Variants in WIPF1 observed in about 807,000 individuals in gnomAD.
The protein encoded by WIPF1 is WAS/WASL interacting protein family member 1.
Under a neutral mutation model 35.4 loss-of-function variants are expected in WIPF1, and 13 were observed. That is an observed-to-expected ratio of 0.37 (90% confidence interval 0.24 to 0.58). The LOEUF (loss-of-function observed/expected upper bound fraction) is 0.58, where lower values mean the gene tolerates loss of function less well. Ranked by LOEUF, WIPF1 falls within the 20% of genes least tolerant of loss-of-function variation. WIPF1 has a pLI of 0.74. For synonymous variants in WIPF1, 267 were observed against 266.3 expected (o/e 1.00, Z -0.02); for missense variants, 591 against 667.0 (o/e 0.89, Z 1.25).
chr2:174,606,493 A>C (rs1686169007), intron 1 of WIPF1, among the ~76,000 whole-genome samples: 1 of 152,210 alleles, frequency 6.6e-6, no homozygotes, highest in African/African-American at 2.4e-5. Flanking sequence ...ACACAACTCT[A>C]GACAGTGAGG....
intron 3 of WIPF1, among the ~76,000 whole-genome samples, chr2:174,580,799 G>C (rs979789387): frequency 7.9e-5 from 12 of 152,142 alleles, no homozygotes; most frequent in Admixed American, 5.9e-4. Flanking sequence ...TCTTACACTT[G>C]AATTACACTT....
chr2:174,620,230 T>C (rs756231287), intron 1 of WIPF1, among the ~76,000 whole-genome samples: 2 of 152,182 alleles, frequency 1.3e-5, no homozygotes, highest in African/African-American at 2.4e-5. Context: ...TCAGTGAATA[T>C]CTAAGGTAAC....
intron 1 of WIPF1, among the ~76,000 whole-genome samples, chr2:174,606,824 T>C (rs575744776): frequency 3.1e-4 from 47 of 152,200 alleles, no homozygotes; most frequent in Middle Eastern, 3.4e-3. Flanking sequence ...AATTAAGGGC[T>C]CAGAAAAAAT....
intron 1 of WIPF1, among the ~76,000 whole-genome samples, chr2:174,629,514 C>T (rs937276143): frequency 6.6e-6 from 1 of 151,560 alleles, no homozygotes; most frequent in African/African-American, 2.4e-5. Flanking sequence ...ATGGCAGAGG[C>T]GAAAGTAGGG....
At chr2:174,597,141 T>C (rs551282753) in intron 1 of WIPF1, among the ~76,000 whole-genome samples, 42 of 152,350 alleles carry the variant, frequency 2.8e-4, no homozygotes, top group African/African-American at 8.9e-4. Flanking sequence ...AAATAGCACA[T>C]TGGCAGCAAC....
At chr2:174,567,014 G>C in intron 7 of WIPF1, 56 bp downstream of exon 7, 3 of 1,551,492 alleles carry the variant, frequency 1.9e-6, no homozygotes, top group Middle Eastern at 1.7e-4. Flanking sequence ...TATAGCCCGA[G>C]TGTCACTCAG....
chr2:174,675,467 C>G (rs1440452108), intron 1 of WIPF1, among the ~76,000 whole-genome samples: 1 of 152,078 alleles, frequency 6.6e-6, no homozygotes, highest in African/African-American at 2.4e-5. Context: ...AGTGATCCTC[C>G]CGCCTCAGCT....
At position 174,562,529 on chromosome 2, in the gene WIPF1, GAGA is replaced by G; in HGVS notation, c.*15_*17del. The G allele has an allele frequency of 6.2e-7, 1 of 1,614,210 alleles. No individual in the cohort carries two copies. The highest frequency in any genetic ancestry group is 8.5e-7 in the Non-Finnish European group (1 of 1,180,030). On this transcript the variant is annotated 3_prime_UTR_variant, in exon 8 of 8. Transcript: ENST00000679041. ...CAGAAGCAGCTCTTGAGCTTGGGTA[GAGA>G]AGAGCAGGCAAAGATCACCTCGGGA... is the stretch of plus-strand genomic sequence containing the variant.
At chr2:174,617,022 A>C (rs1190802591) in intron 1 of WIPF1, among the ~76,000 whole-genome samples, 1 of 152,108 alleles carries the variant, frequency 6.6e-6, no homozygotes, top group African/African-American at 2.4e-5. Context: ...TAAACCTTTA[A>C]TATCTGAAAC....
At position 174,622,118 on chromosome 2, in the gene WIPF1, A is replaced by G. The variant is rs1173625438; in HGVS notation, c.-38-36507T>C. 6.6e-6 allele frequency among the ~76,000 whole-genome samples: 1 copy of G among 152,250 alleles called. No individual in the cohort carries two copies. The highest frequency in any genetic ancestry group is 1.9e-4 in the East Asian group (1 of 5,190). On this transcript the variant is annotated intron_variant, in intron 1 of 8. Transcript: ENST00000272746. The surrounding 1 kb of genome is among the most constrained non-coding windows in gnomAD (Gnocchi z 5.1). The stretch of plus-strand genomic sequence containing the variant: ...TAAATGTTGCCTTTTAGGTTATTAA[A>G]TACCCTGACAGCAACCTGACTGAAT...
chr2:174,661,870 T>TG (rs572471130), intron 1 of WIPF1, among the ~76,000 whole-genome samples: 218 of 152,176 alleles, frequency 1.4e-3, no homozygotes, highest in South Asian at 2.3e-3. Flanking sequence ...GTGTGGTGTC[T>TG]GGGGGGGTGT....
At chr2:174,639,708 T>C (rs956987918) in intron 1 of WIPF1, among the ~76,000 whole-genome samples, 11 of 152,236 alleles carry the variant, frequency 7.2e-5, no homozygotes, top group African/African-American at 2.7e-4. Context: ...AAAAGCTTTT[T>C]AGCTTGATGT....
chr2:174,666,016 C>T (rs1300584521), intron 1 of WIPF1, among the ~76,000 whole-genome samples: 1 of 152,214 alleles, frequency 6.6e-6, no homozygotes, highest in Non-Finnish European at 1.5e-5. Context: ...TGCAGTGGCT[C>T]ATGCCTGTAA....
At position 174,562,339 on chromosome 2, in the gene WIPF1, A is replaced by C; in HGVS notation, c.*208T>G. ...GCACAGGCAGGCTGCAGCTGAAGCA[A>C]GCAATAGCCTGGAGAATAAACACAA... On this transcript the variant is annotated 3_prime_UTR_variant, in exon 8 of 8. Transcript: ENST00000679041. The C allele has an allele frequency of 6.7e-7, 1 of 1,483,398 alleles. No individual in the cohort carries two copies. The highest frequency in any genetic ancestry group is 9.0e-7 in the Non-Finnish European group (1 of 1,115,620). The allele number at this position is 1,483,398 out of a possible 1,614,324, so 91.9% of individuals were successfully genotyped here.
At chr2:174,577,073 C>G (rs1450527848) in intron 3 of WIPF1, among the ~76,000 whole-genome samples, 5 of 152,130 alleles carry the variant, frequency 3.3e-5, no homozygotes, top group African/African-American at 1.2e-4. Flanking sequence ...ATATACATTA[C>G]ACATGCTTTT....
intron 2 of WIPF1, among the ~76,000 whole-genome samples, chr2:174,582,798 T>C (rs553953333): frequency 6.6e-6 from 1 of 152,352 alleles, no homozygotes; most frequent in African/African-American, 2.4e-5. Flanking sequence ...TAACCAGAAT[T>C]GCAGTGGTAA....
chr2:174,614,334 G>A (rs1278812182), intron 1 of WIPF1, among the ~76,000 whole-genome samples: 6 of 152,104 alleles, frequency 3.9e-5, no homozygotes, highest in African/African-American at 9.7e-5. Context: ...AAGGCTTTTC[G>A]GATAGTCTCA....
At position 174,567,080 on chromosome 2, in the gene WIPF1, G is replaced by A. The variant is rs116757787; in HGVS notation, c.1446C>T (p.Asn482=). The A allele has an allele frequency of 6.6e-3, 10,684 of 1,614,080 alleles. 56 individuals carry two copies. Among genetic ancestry groups the A allele is most frequent in the African/African-American group, 0.018 (1,387 of 75,014 alleles). ...TKSYPSKLAR[N]ESRSGSNRRE... is the part of the protein sequence containing the mutation. ...GGCAGAAATACTCACTCCGGCTTTC[G>A]TTTCTTGCCAGTTTGCTGGGATAAC... is the stretch of plus-strand genomic sequence containing the variant. The change falls in exon 7 of 8, where the codon AAC becomes AAT. Residue 482 remains asparagine (N), a synonymous_variant. Transcript: ENST00000679041.
chr2:174,601,500 A>G (rs142987119), upstream of WIPF1, among the ~76,000 whole-genome samples: 488 of 152,334 alleles, frequency 3.2e-3, 4 homozygotes, highest in African/African-American at 0.011. Flanking sequence ...AGGGGGGGAA[A>G]TAAAAAGATA....
Sources: allele counts gnomAD v4.1 joint callset (sites outside exome capture counted in the v4.1 genomes callset), GRCh38; gene constraint gnomAD v4.1.1; non-coding constraint Gnocchi (gnomAD v3.1); transcripts MANE v1.5; gene names NCBI Gene and HGNC (gene_info 2026-07-23, HGNC 2026-07-21).